CIBAR1: variants seen among roughly 807,000 people sequenced by gnomAD.
CIBAR1 encodes the protein CBY1 interacting BAR domain containing 1.
Under a neutral mutation model 44.0 loss-of-function variants are expected in CIBAR1, and 25 were observed. That is an observed-to-expected ratio of 0.57 (90% CI 0.41 to 0.79). CIBAR1 has a LOEUF of 0.79. CIBAR1 is among the 30% of genes least tolerant of loss of function. The probability of loss-of-function intolerance (pLI) is 0.00; values close to 1 mark genes in which losing one functional copy is unlikely to be tolerated. For missense variants in CIBAR1, 278 were observed against 344.8 expected (o/e 0.81, Z 1.53); for synonymous variants, 115 against 119.0 (o/e 0.97, Z 0.22).
At chr8:93,722,256 A>G (rs537885652) in intron 7 of CIBAR1, among the ~76,000 whole-genome samples, 2 of 152,318 alleles carry the variant, frequency 1.3e-5, no homozygotes, top group East Asian at 3.9e-4. Context: ...AGTAAAGAAA[A>G]CATGCAGAAA....
At chr8:93,707,281 G>C (rs1180837257) in intron 4 of CIBAR1, 1 of 404,832 alleles carries the variant, frequency 2.5e-6, no homozygotes, top group Non-Finnish European at 4.9e-6. Flanking sequence ...TGTTACTTTA[G>C]GTGAGTTGCT....
intron 7 of CIBAR1, among the ~76,000 whole-genome samples, chr8:93,722,681 CAG>C (rs775123419): frequency 2.0e-5 from 3 of 151,664 alleles, no homozygotes; most frequent in Non-Finnish European, 2.9e-5. Context: ...GCCTGGGTGA[CAG>C]GGTGAGACTC....
chr8:93,722,384 A>G (rs1811297188), intron 7 of CIBAR1, among the ~76,000 whole-genome samples: 1 of 152,160 alleles, frequency 6.6e-6, no homozygotes, highest in African/African-American at 2.4e-5. Flanking sequence ...ATCACAAACC[A>G]TCTTAATTGT....
rs1370241243 is a variant in CIBAR1, at chr8:93,730,185, C to T, written c.*1888C>T. On this transcript the variant is annotated 3_prime_UTR_variant, in exon 9 of 9. Transcript: ENST00000518322. ...GATAGTTAATTCATACATAATTATACATCATATAGTATCTAATACAGCTCA... is the reference window on the plus strand; with the variant it reads ...GATAGTTAATTCATACATAATTATATATCATATAGTATCTAATACAGCTCA... The T allele has an allele frequency of 6.6e-6, 1 of 152,142 alleles. No homozygotes were observed. The highest frequency in any genetic ancestry group is 2.4e-5 in the African/African-American group (1 of 41,430). 9.4% of individuals were successfully genotyped at this position (152,142 alleles called of 1,614,324 possible).
intron 7 of CIBAR1, among the ~76,000 whole-genome samples, chr8:93,722,279 A>G (rs1811293387): frequency 6.6e-6 from 1 of 152,154 alleles, no homozygotes; most frequent in East Asian, 1.9e-4. Context: ...GACAGAAATA[A>G]CTTGCTATTC....
rs1354593836 is a variant in CIBAR1 at position 93,714,617 on chromosome 8, T to G, written c.544-4058T>G. 2.0e-5 allele frequency among the ~76,000 whole-genome samples: 3 copies of G among 152,006 alleles called. No homozygotes were observed. The East Asian group carries it at 5.8e-4, about 29-fold the overall frequency. The stretch of plus-strand genomic sequence containing the variant: ...AATCTCACAACAGTAGCCTCAAAGA[T>G]CAGTCAATAAGGGTTACATTATAGC... On this transcript the variant is annotated intron_variant, in intron 6 of 8. Transcript: ENST00000518322.
At chr8:93,721,420 C>T (rs1473208082) in intron 7 of CIBAR1, among the ~76,000 whole-genome samples, 2 of 152,158 alleles carry the variant, frequency 1.3e-5, no homozygotes, top group East Asian at 3.8e-4. Flanking sequence ...TTTTTTGTCA[C>T]ACCACTTCCT....
In CIBAR1 at chr8:93,731,372, A is replaced by G. The variant is rs1171955668; in HGVS notation, c.*3075A>G. The G allele has an allele frequency of 1.3e-5, 2 of 152,154 alleles. No homozygotes were observed. The highest frequency in any genetic ancestry group is 1.9e-4 in the East Asian group (1 of 5,192). 9.4% of individuals were successfully genotyped at this position (152,154 alleles called of 1,614,324 possible). A position where few individuals can be genotyped will look rare whatever the true frequency, so the allele number is the denominator to read the frequency against. On this transcript the variant is annotated 3_prime_UTR_variant, in exon 9 of 9. Coordinates refer to ENST00000518322, the MANE Select transcript of CIBAR1 (RefSeq NM_145269.5). ...GGTGACCAAATGAACCATCTATACA[A>G]TCTTTGCTCAATTAAAAATATCATT...
chr8:93,727,745 G>C (rs140350504), intron 8 of CIBAR1, among the ~76,000 whole-genome samples: 1 of 152,130 alleles, frequency 6.6e-6, no homozygotes, highest in Admixed American at 6.5e-5. Flanking sequence ...CCCACGTGGC[G>C]GCAGTCAGGC....
intron 6 of CIBAR1, among the ~76,000 whole-genome samples, chr8:93,714,209 A>T (rs1236249177): frequency 1.3e-5 from 2 of 152,174 alleles, no homozygotes; most frequent in African/African-American, 4.8e-5. Flanking sequence ...TAAGTATTTT[A>T]TACTTCTTGT....
chr8:93,728,512 G>C lies in CIBAR1; in HGVS notation c.*215G>C, dbSNP rs1811648603. On this transcript the variant is annotated 3_prime_UTR_variant, in exon 9 of 9. Coordinates refer to ENST00000518322, the MANE Select transcript of CIBAR1 (RefSeq NM_145269.5). ...TCCTACCTAGTGTTACATGATTTTT[G>C]TGTAAGTGCCTTTTTTTTTAAAGAT... The C allele has an allele frequency of 1.1e-5, 4 of 379,112 alleles. No individual in the cohort carries two copies. The highest frequency in any genetic ancestry group is 1.9e-5 in the Non-Finnish European group (4 of 211,124). 23.5% of individuals were successfully genotyped at this position (379,112 alleles called of 1,614,324 possible).
chr8:93,712,822 T>C (rs75602699), intron 6 of CIBAR1, among the ~76,000 whole-genome samples: 1 of 151,096 alleles, frequency 6.6e-6, no homozygotes, highest in Non-Finnish European at 1.5e-5. Flanking sequence ...TTTTTTTTTT[T>C]CTTAAGATAG....
In CIBAR1 at chr8:93,701,242, A is replaced by G. The variant is rs1810339468; in HGVS notation, c.45A>G (p.Gln15=). 6.2e-7 allele frequency: 1 copy of G among 1,613,430 alleles called. No homozygotes were observed. Among genetic ancestry groups the G allele is most frequent in the African/African-American group, 1.3e-5 (1 of 75,054 alleles). The change falls in exon 2 of 9, where the codon CAA becomes CAG. Residue 15 remains glutamine (Q), a synonymous_variant. Coordinates refer to ENST00000518322, the MANE Select transcript of CIBAR1 (RefSeq NM_145269.5). ...TCCCTAGGAACGCTCAAACGAAACA[A>G]CTGCAAACAGCTGTCTCAAATGTGG... ...TLENRNAQTK[Q]LQTAVSNVEK...
In CIBAR1 at chr8:93,726,521, A is replaced by G. The variant is rs201357937; in HGVS notation, c.777+8A>G. ...GTATCTGGAACAGGACAGGTGAGCA[A>G]GAAACCGTACTCTAAAGGAATTTGA... On this transcript the variant is annotated splice_region_variant and intron_variant, in intron 8 of 8. Coordinates refer to ENST00000518322, the MANE Select transcript of CIBAR1 (RefSeq NM_145269.5). 6.6e-5 allele frequency: 106 copies of G among 1,613,062 alleles called. No homozygotes were observed. The highest frequency in any genetic ancestry group is 8.2e-5 in the Non-Finnish European group (97 of 1,179,404).
chr8:93,723,107 C>T (rs991628324), intron 7 of CIBAR1, among the ~76,000 whole-genome samples: 4 of 152,210 alleles, frequency 2.6e-5, no homozygotes, highest in African/African-American at 9.6e-5. Context: ...CACCATTCTC[C>T]TGCTTCAGCC....
intron 7 of CIBAR1, among the ~76,000 whole-genome samples, chr8:93,720,267 C>T (rs1811211446): frequency 6.6e-6 from 1 of 152,100 alleles, no homozygotes; most frequent in Admixed American, 6.5e-5. Flanking sequence ...CAGGCGTGAG[C>T]CACTGCGCCT....
chr8:93,708,539 C>T (rs192395920), intron 5 of CIBAR1, among the ~76,000 whole-genome samples: 153 of 152,228 alleles, frequency 1.0e-3, no homozygotes, highest in African/African-American at 3.6e-3. Flanking sequence ...TTGGACAGAA[C>T]AGATCCAGAT....
Position 93,728,577 on chromosome 8 carries a change from A to G in CIBAR1, c.*280A>G, listed in dbSNP as rs1220056999. On this transcript the variant is annotated 3_prime_UTR_variant, in exon 9 of 9. Coordinates refer to ENST00000518322, the MANE Select transcript of CIBAR1 (RefSeq NM_145269.5). ...TATTTCATATTAATGTACTATATCT[A>G]CTTGAAGTTCCAATAGTACATTATG... 4.4e-6 allele frequency: 1 copy of G among 226,246 alleles called. No homozygotes were observed. The highest frequency in any genetic ancestry group is 2.3e-5 in the African/African-American group (1 of 43,614). The allele number at this position is 226,246 out of a possible 1,614,324, so 14.0% of individuals were successfully genotyped here.
chr8:93,713,330 G>A (rs1430933949), intron 6 of CIBAR1, among the ~76,000 whole-genome samples: 1 of 152,098 alleles, frequency 6.6e-6, no homozygotes, highest in Non-Finnish European at 1.5e-5. Flanking sequence ...ACCATGCCCG[G>A]CTCCTTTACC....
Sources: allele counts gnomAD v4.1 joint callset (sites outside exome capture counted in the v4.1 genomes callset), GRCh38; gene constraint gnomAD v4.1.1; transcripts MANE v1.5; gene names NCBI Gene and HGNC (gene_info 2026-07-23, HGNC 2026-07-21).